BABAM2: variants seen among roughly 807,000 people sequenced by gnomAD.
The protein encoded by BABAM2 is BRISC and BRCA1-A complex member 2.
Under a neutral mutation model 54.7 loss-of-function variants are expected in BABAM2, and 31 were observed. The observed-to-expected ratio is 0.57, with a 90% confidence interval of 0.43 to 0.77. The LOEUF is 0.77. Ranked by LOEUF, BABAM2 falls within the 30% of genes least tolerant of loss-of-function variation. The probability of loss-of-function intolerance (pLI) is 0.00; values close to 1 mark genes in which losing one functional copy is unlikely to be tolerated. For missense variants in BABAM2, 364 were observed against 455.8 expected (o/e 0.80, Z 1.83); for synonymous variants, 167 against 162.9 (o/e 1.03, Z -0.19).
intron 6 of BABAM2, among the ~76,000 whole-genome samples, chr2:28,114,340 GCTTT>G (rs1301161580): frequency 1.3e-5 from 2 of 152,068 alleles, no homozygotes; most frequent in Non-Finnish European, 2.9e-5. Context: ...ATACTCTCTT[GCTTT>G]CTTTATCTCT....
At chr2:28,199,772 C>G (rs1392196201) in intron 7 of BABAM2, among the ~76,000 whole-genome samples, 3 of 152,072 alleles carry the variant, frequency 2.0e-5, no homozygotes, top group African/African-American at 7.2e-5. Flanking sequence ...TTTGAAGGAC[C>G]TGCAGACTGA....
chr2:28,062,257 C>CA (rs796458704), intron 6 of BABAM2, among the ~76,000 whole-genome samples: 10,459 of 67,960 alleles, frequency 0.15, 843 homozygotes, highest in Middle Eastern at 0.2. Flanking sequence ...GAGTCCGTCT[C>CA]AAAAAAAAAA....
intron 6 of BABAM2, among the ~76,000 whole-genome samples, chr2:28,086,082 A>C (rs945336639): frequency 1.3e-5 from 2 of 152,220 alleles, no homozygotes; most frequent in African/African-American, 4.8e-5. Flanking sequence ...AATATATTTT[A>C]ATTAGTCAAT....
At chr2:27,890,635 G>A (rs1664733551), upstream of BABAM2, 1 of 302,428 alleles carries the variant, frequency 3.3e-6, no homozygotes, top group Non-Finnish European at 6.1e-6. The surrounding 1 kb of genome is among the most constrained non-coding windows in gnomAD (Gnocchi z 4.8). Context: ...GGCACCGCGG[G>A]GACGCCTTTC....
rs74879783 is a variant in BABAM2, at chr2:28,263,590, C to T, written c.934+18728C>T. Among the ~76,000 whole-genome samples the T allele has an allele frequency of 6.6e-3, 999 of 152,318 alleles. 9 individuals carry two copies. Among genetic ancestry groups the T allele is most frequent in the African/African-American group, 0.023 (967 of 41,558 alleles). On this transcript the variant is annotated intron_variant, in intron 10 of 11. Coordinates refer to ENST00000379624, the MANE Select transcript of BABAM2 (RefSeq NM_199191.3). ...GACCTCTGCCAGCCTTACCCATTTT[C>T]CTCGAGTGCCATAAAATAGTACCAT...
intron 11 of BABAM2, among the ~76,000 whole-genome samples, chr2:28,328,456 A>C (rs1348354031): frequency 6.6e-6 from 1 of 152,136 alleles, no homozygotes; most frequent in Non-Finnish European, 1.5e-5. Flanking sequence ...CCTGACAGTG[A>C]GGGCTGTGTC....
intron 6 of BABAM2, among the ~76,000 whole-genome samples, chr2:28,128,829 C>A (rs1669791693): frequency 6.6e-6 from 1 of 152,048 alleles, no homozygotes; most frequent in Non-Finnish European, 1.5e-5. Flanking sequence ...TGATATGTTT[C>A]CTGCAAATTT....
chr2:28,077,348 T>C (rs1184295411), intron 6 of BABAM2, among the ~76,000 whole-genome samples: 1 of 152,188 alleles, frequency 6.6e-6, no homozygotes, highest in East Asian at 1.9e-4. Context: ...AAAATATTTT[T>C]ATGGAGTCTG....
intron 3 of BABAM2, 80 bp downstream of exon 3, chr2:27,929,988 C>G (rs181388710): frequency 2.0e-5 from 26 of 1,331,628 alleles, no homozygotes; most frequent in Non-Finnish European, 2.7e-5. Context: ...TTTTCATTTC[C>G]GGCTGTTAGT....
chr2:28,281,427 G>A (rs1686348747), intron 10 of BABAM2, among the ~76,000 whole-genome samples: 1 of 152,132 alleles, frequency 6.6e-6, no homozygotes, highest in Non-Finnish European at 1.5e-5. Flanking sequence ...TTCCCATTCT[G>A]TTTATCCATG....
intron 4 of BABAM2, among the ~76,000 whole-genome samples, chr2:28,009,302 T>C (rs1032699425): frequency 6.6e-6 from 1 of 152,124 alleles, no homozygotes; most frequent in East Asian, 1.9e-4. Context: ...TGATAGCCAG[T>C]GTGGAAGCTA....
intron 4 of BABAM2, among the ~76,000 whole-genome samples, chr2:27,988,618 A>G (rs1672566597): frequency 6.6e-6 from 1 of 152,196 alleles, no homozygotes; most frequent in Non-Finnish European, 1.5e-5. Flanking sequence ...TAGTTGAAAT[A>G]AAATGTTTCT....
chr2:27,944,383 G>A (rs961667147), intron 3 of BABAM2, among the ~76,000 whole-genome samples: 13 of 151,912 alleles, frequency 8.6e-5, no homozygotes, highest in African/African-American at 2.9e-4. Flanking sequence ...CACACAAATC[G>A]GTCCCCTCCA....
At chr2:28,206,427 C>T (rs963994902) in intron 7 of BABAM2, among the ~76,000 whole-genome samples, 4 of 152,032 alleles carry the variant, frequency 2.6e-5, no homozygotes, top group Admixed American at 6.6e-5. Flanking sequence ...AAACAGAATT[C>T]GGAATATTAG....
At chr2:28,105,165 G>A (rs1667407031) in intron 6 of BABAM2, among the ~76,000 whole-genome samples, 2 of 152,014 alleles carry the variant, frequency 1.3e-5, no homozygotes, top group South Asian at 4.1e-4. Context: ...TTGTGCGCAT[G>A]TACCCTAGAA....
At chr2:28,301,204 T>G (rs775287174) in intron 11 of BABAM2, among the ~76,000 whole-genome samples, 1 of 152,248 alleles carries the variant, frequency 6.6e-6, no homozygotes, top group South Asian at 2.1e-4. Context: ...TCATGGTTTA[T>G]GAACAGCAGT....
intron 10 of BABAM2, among the ~76,000 whole-genome samples, chr2:28,262,515 G>C (rs1407020831): frequency 2.0e-5 from 3 of 151,996 alleles, no homozygotes; most frequent in Admixed American, 6.6e-5. Context: ...AGTAGAACTG[G>C]AAAAACTGTG....
chr2:28,269,007 A>G (rs1245293694), intron 10 of BABAM2, among the ~76,000 whole-genome samples: 1 of 152,244 alleles, frequency 6.6e-6, no homozygotes. Flanking sequence ...CAAAGATATA[A>G]CCAAATCTAA....
intron 10 of BABAM2, among the ~76,000 whole-genome samples, chr2:28,287,953 G>A (rs527572456): frequency 6.6e-6 from 1 of 152,244 alleles, no homozygotes; most frequent in South Asian, 2.1e-4. Context: ...ATGAAGCAGA[G>A]GGACAGAGAA....
Sources: gnomAD v4.1 joint callset for allele counts (sites outside exome capture counted in the v4.1 genomes callset) on GRCh38, gnomAD v4.1.1 for gene constraint, Gnocchi (gnomAD v3.1) non-coding constraint, MANE v1.5 for transcripts, NCBI Gene and HGNC (gene_info 2026-07-23, HGNC 2026-07-21) for gene names.